Variants in RNF180 observed in about 807,000 individuals in gnomAD.
RNF180 encodes ring finger protein 180, also known as E3 ubiquitin-protein ligase RNF180.
In RNF180, 38 loss-of-function variants were observed where a neutral mutation model predicts 59.2. That is an observed-to-expected ratio of 0.64 (90% CI 0.50 to 0.84). RNF180 has a LOEUF of 0.84. Ranked by LOEUF, RNF180 falls within the 40% of genes least tolerant of loss-of-function variation. The pLI is 0.00. For synonymous variants in RNF180, 262 were observed against 240.3 expected (o/e 1.09, Z -0.84); for missense variants, 705 against 700.9 (o/e 1.01, Z -0.07).
intron 7 of RNF180, among the ~76,000 whole-genome samples, chr5:64,349,036 A>G (rs1265184571): frequency 6.6e-6 from 1 of 152,116 alleles, no homozygotes; most frequent in Non-Finnish European, 1.5e-5. Flanking sequence ...AGATTGCTAA[A>G]TAAGTAACCT....
At chr5:64,304,426 A>G (rs1310751282) in intron 5 of RNF180, among the ~76,000 whole-genome samples, 5 of 151,636 alleles carry the variant, frequency 3.3e-5, no homozygotes, top group Non-Finnish European at 5.9e-5. Context: ...CATAAAGACC[A>G]TTCATGAGTC....
intron 7 of RNF180, among the ~76,000 whole-genome samples, chr5:64,362,176 T>G (rs1304107022): frequency 6.6e-6 from 1 of 151,532 alleles, no homozygotes; most frequent in Non-Finnish European, 1.5e-5. Flanking sequence ...TACAGATTAT[T>G]TCATCACTGA....
At chr5:64,212,270 G>T (rs1752350880) in intron 3 of RNF180, 110 bp downstream of exon 3, 4 of 669,292 alleles carry the variant, frequency 6.0e-6, no homozygotes, top group Non-Finnish European at 2.7e-6. Flanking sequence ...ACCTCTTACT[G>T]CTCCTCACTC....
At chr5:64,365,798 G>C (rs1746426742) in intron 7 of RNF180, among the ~76,000 whole-genome samples, 1 of 151,412 alleles carries the variant, frequency 6.6e-6, no homozygotes, top group African/African-American at 2.4e-5. Context: ...TGCAACCCCT[G>C]CTTTTTTATG....
intron 2 of RNF180, among the ~76,000 whole-genome samples, chr5:64,204,572 T>A (rs1751922084): frequency 6.6e-6 from 1 of 152,210 alleles, no homozygotes; most frequent in African/African-American, 2.4e-5. Context: ...GTGTTCTAAA[T>A]ACCAACCTTT....
intron 5 of RNF180, among the ~76,000 whole-genome samples, chr5:64,290,045 C>T (rs1040177086): frequency 5.3e-4 from 80 of 152,110 alleles, no homozygotes; most frequent in Non-Finnish European, 1.0e-3. Context: ...CCTCTTAACA[C>T]GGCTTTATCT....
At chr5:64,339,559 T>A (rs1286291028) in intron 7 of RNF180, among the ~76,000 whole-genome samples, 1 of 152,170 alleles carries the variant, frequency 6.6e-6, no homozygotes, top group Non-Finnish European at 1.5e-5. Context: ...TATGCAACAT[T>A]AATAGGTTCC....
At chr5:64,360,371 A>G (rs1191234831) in intron 7 of RNF180, among the ~76,000 whole-genome samples, 1 of 151,820 alleles carries the variant, frequency 6.6e-6, no homozygotes, top group Non-Finnish European at 1.5e-5. Flanking sequence ...ACAACCCTTC[A>G]TGCTAAAAAC....
intron 5 of RNF180, among the ~76,000 whole-genome samples, chr5:64,220,960 T>C (rs1741294403): frequency 6.6e-6 from 1 of 152,092 alleles, no homozygotes; most frequent in Non-Finnish European, 1.5e-5. Flanking sequence ...TAATAGAAGC[T>C]AATAAATTAT....
intron 7 of RNF180, among the ~76,000 whole-genome samples, chr5:64,346,926 T>A (rs1326886184): frequency 6.6e-6 from 1 of 152,182 alleles, no homozygotes; most frequent in African/African-American, 2.4e-5. Flanking sequence ...TTTTGTTTAT[T>A]CTCTGACTTG....
rs577063641 is a variant in RNF180 at position 64,365,721 on chromosome 5, C to T, written c.1580-3894C>T. Among the ~76,000 whole-genome samples the T allele has an allele frequency of 1.7e-4, 26 of 151,588 alleles. No homozygotes were observed. The East Asian group carries it at 2.3e-3, about 14-fold the overall frequency. The stretch of plus-strand genomic sequence containing the variant: ...ATTCTTATGGAATTGAACTCTTTAC[C>T]GTTATGTAATGCCCCTCTTTGTCTT... On this transcript the variant is annotated intron_variant, in intron 7 of 7. Coordinates refer to ENST00000389100, the MANE Select transcript of RNF180 (RefSeq NM_001113561.2).
intron 5 of RNF180, among the ~76,000 whole-genome samples, chr5:64,277,824 AG>A (rs2112377045): frequency 6.6e-6 from 1 of 152,328 alleles, no homozygotes; most frequent in African/African-American, 2.4e-5. Context: ...AAGCTTACAC[AG>A]AACCTTTGAG....
At position 64,213,803 on chromosome 5, in the gene RNF180, A is replaced by G. The variant is rs1423623884; in HGVS notation, c.477A>G (p.Glu159=). 6.2e-7 allele frequency: 1 copy of G among 1,614,046 alleles called. No individual in the cohort carries two copies. The highest frequency in any genetic ancestry group is 1.3e-5 in the African/African-American group (1 of 74,940). Residue 159 remains glutamate, a synonymous_variant, in exon 4 of 8, where the codon GAA becomes GAG. Transcript: ENST00000389100. ...KEALLTGGGS[E]NRNHRLLNMA... ...CTCTGCTGACAGGTGGTGGCTCTGA[A>G]AACAGAAATCACAGGCTTTTAAACA...
chr5:64,315,932 TA>T (rs1744019297), intron 5 of RNF180, among the ~76,000 whole-genome samples: 1 of 152,094 alleles, frequency 6.6e-6, no homozygotes, highest in African/African-American at 2.4e-5. Flanking sequence ...TTTTTTCCCA[TA>T]AGTGAGTATA....
In RNF180 at chr5:64,360,226, A is replaced by G. The variant is rs371497219; in HGVS notation, c.1580-9389A>G. Among the ~76,000 whole-genome samples, 157 of 152,064 alleles carry G rather than the reference A, an allele frequency of 1.0e-3. 3 individuals carry two copies. In the South Asian group the frequency reaches 0.032, roughly 31 times the overall value. On this transcript the variant is annotated intron_variant, in intron 7 of 7. Transcript: ENST00000389100. The stretch of plus-strand genomic sequence containing the variant: ...ATTGAATCTGTAAATTACCTTGGGC[A>G]GTATGGCCATTTTCACAATATTGAT...
At chr5:64,367,833 C>A (rs1436409055) in intron 7 of RNF180, among the ~76,000 whole-genome samples, 1 of 151,556 alleles carries the variant, frequency 6.6e-6, no homozygotes, top group East Asian at 1.9e-4. Context: ...ATTATGCTGT[C>A]CCTGTTCCCT....
intron 5 of RNF180, among the ~76,000 whole-genome samples, chr5:64,218,540 T>G (rs527542999): frequency 1.3e-5 from 2 of 152,302 alleles, no homozygotes; most frequent in East Asian, 3.9e-4. Context: ...TTCAAAATGG[T>G]TTAGCTATTT....
chr5:64,324,515 CA>C (rs1300726396), intron 5 of RNF180, among the ~76,000 whole-genome samples: 1 of 152,210 alleles, frequency 6.6e-6, no homozygotes, highest in Non-Finnish European at 1.5e-5. Flanking sequence ...ATCGTTATAA[CA>C]AGACAATGTT....
chr5:64,245,231 T>C (rs1484279945), intron 5 of RNF180, among the ~76,000 whole-genome samples: 1 of 152,212 alleles, frequency 6.6e-6, no homozygotes, highest in African/African-American at 2.4e-5. Context: ...AATAACCAGC[T>C]AGCATAATAA....
Sources: allele counts gnomAD v4.1 joint callset (sites outside exome capture counted in the v4.1 genomes callset), GRCh38; gene constraint gnomAD v4.1.1; transcripts MANE v1.5; gene names NCBI Gene and HGNC (gene_info 2026-07-23, HGNC 2026-07-21).